Variants in PALLD observed in about 807,000 individuals in gnomAD.
PALLD encodes palladin, cytoskeletal associated protein.
A neutral mutation model predicts 123.5 loss-of-function variants in PALLD; 61 were observed. The observed-to-expected ratio is 0.49, with a 90% confidence interval of 0.40 to 0.61. PALLD has a LOEUF of 0.61. Among genes scored for constraint, PALLD ranks in the 20% least tolerant of loss-of-function variants. The pLI, the probability that PALLD is intolerant of heterozygous loss-of-function variation, is 0.00. For missense variants in PALLD, 1,273 were observed against 1,377.0 expected, an observed-to-expected ratio of 0.92 and a Z score of 1.20; for synonymous variants, 465 against 496.4, an observed-to-expected ratio of 0.94 and a Z score of 0.84.
At chr4:168,629,383 G>T (rs527907679) in intron 2 of PALLD, among the ~76,000 whole-genome samples, 9 of 152,284 alleles carry the variant, frequency 5.9e-5, no homozygotes, top group African/African-American at 1.7e-4. Context: ...AAACCTGGAA[G>T]TCTACAGAGA....
intron 21 of PALLD, chr4:168,925,501 G>T (rs1276136022): frequency 1.1e-5 from 6 of 533,444 alleles, no homozygotes; most frequent in African/African-American, 1.9e-5. Flanking sequence ...CTCTAAACGT[G>T]TGTTCCATTG....
chr4:168,670,702 C>A (rs1385003478), intron 3 of PALLD, among the ~76,000 whole-genome samples: 1 of 143,022 alleles, frequency 7.0e-6, no homozygotes, highest in Non-Finnish European at 1.5e-5. Context: ...CACTGCAGTC[C>A]GCAGTCTGGC....
intron 2 of PALLD, among the ~76,000 whole-genome samples, chr4:168,608,979 C>G (rs1388433179): frequency 6.6e-6 from 1 of 152,006 alleles, no homozygotes. Context: ...ACACACACCC[C>G]GCTTCCTTCC....
chr4:168,869,559 G>A lies in PALLD; in HGVS notation c.1965-21363G>A, dbSNP rs111244403. On this transcript the variant is annotated intron_variant, in intron 10 of 21. Transcript: ENST00000505667. This position sits in a 1 kb window ranked among gnomAD's most constrained non-coding sequence, Gnocchi z 4.5. ...CAACAGGAAGGAAAACTCAAAATGG[G>A]TTTGGGGAACAATAAGAGTAACAAA... 9.7e-4 allele frequency among the ~76,000 whole-genome samples: 148 copies of A among 152,300 alleles called. 1 individual carries two copies. The highest frequency in any genetic ancestry group is 3.4e-3 in the African/African-American group (143 of 41,566).
At chr4:168,721,535 C>A (rs1485811804) in intron 10 of PALLD, among the ~76,000 whole-genome samples, 2 of 152,120 alleles carry the variant, frequency 1.3e-5, no homozygotes, top group African/African-American at 4.8e-5. Flanking sequence ...ACCAGTGGTT[C>A]TTTGAGTGCT....
chr4:168,702,431 G>C (rs1783764940), intron 8 of PALLD, among the ~76,000 whole-genome samples: 1 of 152,162 alleles, frequency 6.6e-6, no homozygotes, highest in Non-Finnish European at 1.5e-5. Context: ...GTGTGCACCT[G>C]TAATTCCAGC....
Position 168,511,542 on chromosome 4 carries a change from C to A in PALLD, c.38C>A (p.Ser13Tyr). 1 of 1,614,036 alleles carries A rather than the reference C, an allele frequency of 6.2e-7. No individual in the cohort carries two copies. The highest frequency in any genetic ancestry group is 8.5e-7 in the Non-Finnish European group (1 of 1,179,904). ...TCCTCCCATGAGTCCTTCTATGACT[C>A]CCTCTCAGACATGCAGGAAGAAAGC... The part of the protein sequence containing the change: ...GTSSHESFYD[S>Y]LSDMQEESKN... The change falls in exon 2 of 22, where the codon TCC becomes TAC. Residue 13 changes from serine to tyrosine, a missense_variant. By Grantham distance (144) the Ser-to-Tyr change is moderately radical (BLOSUM62 -2). Around this residue, in one of 2 missense-constraint regions of PALLD, gnomAD observed 944 missense variants for 954.5 expected, o/e 0.99. Coordinates refer to ENST00000505667, the MANE Select transcript of PALLD (RefSeq NM_001166108.2).
In PALLD at chr4:168,910,459, T is replaced by C. The variant is rs144585684; in HGVS notation, c.2623-3468T>C. ...TGCCAAAGGTATTTTGTTTTTCCTT[T>C]GGAGTAAATTACATTCTAATACCAA... On this transcript the variant is annotated intron_variant, in intron 15 of 21. Transcript: ENST00000505667. 7.7e-3 allele frequency among the ~76,000 whole-genome samples: 1,169 copies of C among 152,234 alleles called. 17 individuals carry two copies. Among genetic ancestry groups the C allele is most frequent in the African/African-American group, 0.026 (1,093 of 41,544 alleles).
chr4:168,815,630 G>T (rs1186943318), intron 10 of PALLD, among the ~76,000 whole-genome samples: 1 of 152,212 alleles, frequency 6.6e-6, no homozygotes, highest in Non-Finnish European at 1.5e-5. Flanking sequence ...CTTCCTATAG[G>T]ATTTGATCTG....
Position 168,878,267 on chromosome 4 carries a change from T to C in PALLD, c.1965-12655T>C. The C allele has an allele frequency of 6.6e-7, 1 of 1,519,422 alleles. No homozygotes were observed. The allele number at this position is 1,519,422 out of a possible 1,614,324, so 94.1% of individuals were successfully genotyped here. On this transcript the variant is annotated intron_variant, in intron 10 of 21. Coordinates refer to ENST00000505667, the MANE Select transcript of PALLD (RefSeq NM_001166108.2). ...CCCGAGCCCGGGACAGGCGTCCCACTGCTCGTCGCCTGCCACCCGCTTCGG... is the reference window on the plus strand; with the variant it reads ...CCCGAGCCCGGGACAGGCGTCCCACCGCTCGTCGCCTGCCACCCGCTTCGG...
intron 9 of PALLD, 80 bp from the exon 10 acceptor site, chr4:168,711,501 C>T (rs1784833400): frequency 9.9e-7 from 1 of 1,005,344 alleles, no homozygotes; most frequent in Non-Finnish European, 1.6e-6. Context: ...CAGGGATTCT[C>T]AGAAGACTCT....
At chr4:168,923,396 G>A (rs1175367769) in intron 18 of PALLD, among the ~76,000 whole-genome samples, 1 of 152,200 alleles carries the variant, frequency 6.6e-6, no homozygotes, top group Non-Finnish European at 1.5e-5. Flanking sequence ...GGGAGTAGTG[G>A]TGGAAAAGGA....
Position 168,921,686 on chromosome 4 carries a change from T to C in PALLD, c.3003T>C (p.Cys1001=), listed in dbSNP as rs769077416. The change falls in exon 18 of 22, where the codon TGT becomes TGC. Residue 1001 remains cysteine (C), a synonymous_variant. Transcript: ENST00000505667. Reference sequence around the variant, plus strand: ...CACGTGATGCCGGCATCTACACATGTATAGCTACCAACCGAGCAGGACAGA... The same window carrying C: ...CACGTGATGCCGGCATCTACACATGCATAGCTACCAACCGAGCAGGACAGA... ...VTSRDAGIYT[C]IATNRAGQNS... is the part of the protein sequence containing the mutation. 6.2e-7 allele frequency: 1 copy of C among 1,611,454 alleles called. No homozygotes were observed. The highest frequency in any genetic ancestry group is 2.2e-5 in the East Asian group (1 of 44,844).
At chr4:168,750,860 T>C (rs1730965919) in intron 10 of PALLD, among the ~76,000 whole-genome samples, 1 of 152,318 alleles carries the variant, frequency 6.6e-6, no homozygotes, top group East Asian at 1.9e-4. Flanking sequence ...CCATTTATTA[T>C]TGTACTTCCG....
chr4:168,565,032 A>C (rs1333969965), intron 2 of PALLD, among the ~76,000 whole-genome samples: 1 of 151,862 alleles, frequency 6.6e-6, no homozygotes, highest in Non-Finnish European at 1.5e-5. Flanking sequence ...CCAAAAAAAA[A>C]AAAAAAAAAA....
intron 10 of PALLD, among the ~76,000 whole-genome samples, chr4:168,778,007 G>A (rs1324374186): frequency 6.6e-6 from 1 of 152,134 alleles, no homozygotes; most frequent in African/African-American, 2.4e-5. Flanking sequence ...ATTATGTTTT[G>A]GATCCACTTT....
intron 10 of PALLD, among the ~76,000 whole-genome samples, chr4:168,868,574 C>G (rs1750655052): frequency 1.3e-5 from 2 of 152,192 alleles, no homozygotes; most frequent in Non-Finnish European, 1.5e-5. Flanking sequence ...ATAAGCGATT[C>G]CTGGCAGTAC....
chr4:168,679,812 A>G (rs1286559768), intron 3 of PALLD, among the ~76,000 whole-genome samples: 1 of 152,054 alleles, frequency 6.6e-6, no homozygotes, highest in Non-Finnish European at 1.5e-5. Flanking sequence ...AGGAAAATCT[A>G]GCCGACACAG....
intron 10 of PALLD, among the ~76,000 whole-genome samples, chr4:168,776,694 A>AT (rs1455518771): frequency 6.6e-6 from 1 of 152,100 alleles, no homozygotes; most frequent in African/African-American, 2.4e-5. Flanking sequence ...TTCACTTAGA[A>AT]TTTTTTATCA....
Sources: gnomAD v4.1 joint callset for allele counts (sites outside exome capture counted in the v4.1 genomes callset) on GRCh38, gnomAD v4.1.1 for gene constraint, gnomAD v4.1.1 regional missense constraint, Gnocchi (gnomAD v3.1) non-coding constraint, MANE v1.5 for transcripts, NCBI Gene and HGNC (gene_info 2026-07-23, HGNC 2026-07-21) for gene names.